Variants in KIAA1755 observed in about 807,000 individuals in gnomAD.
The protein encoded by KIAA1755 is KIAA1755.
Under a neutral mutation model 91.7 loss-of-function variants are expected in KIAA1755, and 68 were observed. That is an observed-to-expected ratio of 0.74 (90% CI 0.61 to 0.91). The LOEUF is 0.91. Ranked by LOEUF, KIAA1755 falls within the 40% of genes least tolerant of loss-of-function variation. The pLI is 0.00. For synonymous variants in KIAA1755, 610 were observed against 604.6 expected, an observed-to-expected ratio of 1.01 and a Z score of -0.13; for missense variants, 1,535 against 1,494.4, an observed-to-expected ratio of 1.03 and a Z score of -0.45.
rs79260595 is a variant in KIAA1755, at chr20:38,246,189, G to A, written c.4-63C>T. ...ATAATAAGGGCAGAGACCACTTCCC[G>A]TGACCTTCCAGGCCCCATATGCCTA... On this transcript the variant is annotated intron_variant, in intron 1 of 13. Coordinates refer to ENST00000279024, the MANE Select transcript of KIAA1755 (RefSeq NM_001029864.2). The A allele has an allele frequency of 1.1e-3, 1,591 of 1,414,690 alleles. 29 individuals carry two copies. The East Asian group carries it at 0.033, about 30-fold the overall frequency. The allele number at this position is 1,414,690 out of a possible 1,614,324, so 87.6% of individuals were successfully genotyped here.
At chr20:38,223,929 G>C (rs769052470) in intron 8 of KIAA1755, among the ~76,000 whole-genome samples, 1 of 152,196 alleles carries the variant, frequency 6.6e-6, no homozygotes, top group Non-Finnish European at 1.5e-5. Context: ...TGTTGAGTAT[G>C]AGTGAGGGAG....
At chr20:38,230,377 G>C (rs1038454885) in intron 5 of KIAA1755, among the ~76,000 whole-genome samples, 1 of 152,076 alleles carries the variant, frequency 6.6e-6, no homozygotes, top group South Asian at 2.1e-4. Flanking sequence ...AGCCTTCCCT[G>C]ATTTCCCAAT....
intron 1 of KIAA1755, chr20:38,260,270 C>G (rs1262946925): frequency 6.5e-7 from 1 of 1,547,466 alleles, no homozygotes; most frequent in African/African-American, 1.4e-5. Context: ...CAATCTTACT[C>G]CATCCATACA....
intron 9 of KIAA1755, 76 bp downstream of exon 9, chr20:38,223,462 T>C: frequency 1.0e-6 from 1 of 973,312 alleles, no homozygotes; most frequent in Non-Finnish European, 1.5e-6. Flanking sequence ...CCCCAGGCCG[T>C]CCCCTTCTCG....
At chr20:38,222,882 A>G (rs892132372) in intron 9 of KIAA1755, 1 of 518,928 alleles carries the variant, frequency 1.9e-6, no homozygotes, top group African/African-American at 1.9e-5. Context: ...TGTTCTCCAC[A>G]TGGCAGTTGA....
intron 11 of KIAA1755, 22 bp downstream of exon 11, chr20:38,219,608 C>G (rs770159792): frequency 6.2e-6 from 10 of 1,613,342 alleles, no homozygotes; most frequent in Non-Finnish European, 8.5e-6. Context: ...CCCCCACACC[C>G]CAAGCCAGAC....
chr20:38,221,468 T>C (rs2075657852), intron 10 of KIAA1755, among the ~76,000 whole-genome samples: 1 of 152,154 alleles, frequency 6.6e-6, no homozygotes, highest in Non-Finnish European at 1.5e-5. Context: ...CTCTCAAGTC[T>C]AGTGCAGCTC....
At chr20:38,239,768 A>C in intron 3 of KIAA1755, 43 bp from the exon 4 acceptor site, 2 of 1,553,108 alleles carry the variant, frequency 1.3e-6, no homozygotes, top group Non-Finnish European at 1.8e-6. Context: ...TAAGCAGAAG[A>C]TGGGCTTTCT....
At chr20:38,231,752 C>G (rs1226156843) in intron 4 of KIAA1755, among the ~76,000 whole-genome samples, 1 of 152,208 alleles carries the variant, frequency 6.6e-6, no homozygotes, top group Admixed American at 6.5e-5. Context: ...TGAAATCAGA[C>G]AGCTCCTGAG....
chr20:38,219,108 G>A (rs973041606), intron 11 of KIAA1755, among the ~76,000 whole-genome samples: 6 of 152,178 alleles, frequency 3.9e-5, no homozygotes, highest in Non-Finnish European at 8.8e-5. Context: ...CCACGAGTAA[G>A]TGCTGGAGCC....
At chr20:38,240,487 C>G in intron 3 of KIAA1755, 95 bp downstream of exon 3, 6 of 1,280,934 alleles carry the variant, frequency 4.7e-6, no homozygotes, top group Non-Finnish European at 6.2e-6. Context: ...TGAGCCAGCC[C>G]AGGTGGTCTC....
At chr20:38,247,397 T>C (rs530788314) in intron 1 of KIAA1755, among the ~76,000 whole-genome samples, 11 of 152,096 alleles carry the variant, frequency 7.2e-5, no homozygotes, top group Non-Finnish European at 1.5e-4. Flanking sequence ...AGTGGCTTCC[T>C]GCTGGAATGC....
At position 38,241,118 on chromosome 20, in the gene KIAA1755, G is replaced by A; in HGVS notation, c.1013C>T (p.Thr338Ile). The A allele has an allele frequency of 1.2e-6, 2 of 1,614,076 alleles. No individual in the cohort carries two copies. Among genetic ancestry groups the A allele is most frequent in the Non-Finnish European group, 8.5e-7 (1 of 1,179,990 alleles). ...CCTCTCCTCAGAGCTTTCTGGCTTT[G>A]TGCAAGCCCGATTTCCCAAGGAAGG... is the stretch of plus-strand genomic sequence containing the variant. The part of the protein sequence containing the change: ...EGPSLGNRAC[T>I]KPESSEERPY... The change falls in exon 3 of 14, where the codon ACA (threonine) becomes ATA (isoleucine). Residue 338 changes from threonine to isoleucine, a missense_variant. Coordinates refer to ENST00000279024, the MANE Select transcript of KIAA1755 (RefSeq NM_001029864.2).
rs193235470 is a variant in KIAA1755 at position 38,235,826 on chromosome 20, G to A, written c.1747+3702C>T. Reference sequence around the variant, plus strand: ...CCTATTAAACAAAACCCCATCCCCAGCATGGGAGCAGACATTCACACCTGC... The same window carrying A: ...CCTATTAAACAAAACCCCATCCCCAACATGGGAGCAGACATTCACACCTGC... On this transcript the variant is annotated intron_variant, in intron 4 of 13. Transcript: ENST00000279024. Among the ~76,000 whole-genome samples, 3 of 152,350 alleles carry A rather than the reference G, an allele frequency of 2.0e-5. No homozygotes were observed. The East Asian group carries it at 5.8e-4, about 29-fold the overall frequency.
Position 38,222,567 on chromosome 20 carries a change from C to T in KIAA1755, c.2299G>A (p.Glu767Lys), listed in dbSNP as rs1245890296. ...EATRCLSKSK[E>K]LMEAVLRDPG... ...TCCCTCAGCACAGCCTCCATCAGCT[C>T]CTTGGACTTGCTCAGGCACCTGGTA... The change falls in exon 10 of 14, where the codon GAG (glutamate) becomes AAG (lysine). Residue 767 changes from glutamate (E) to lysine (K), a missense_variant. Physicochemically the swap from Glu to Lys is moderately conservative, Grantham distance 56 (BLOSUM62 1). Transcript: ENST00000279024. The T allele has an allele frequency of 6.2e-7, 1 of 1,613,224 alleles. No individual in the cohort carries two copies. The highest frequency in any genetic ancestry group is 1.1e-5 in the South Asian group (1 of 91,088).
In KIAA1755 at chr20:38,240,993, C is replaced by T. The variant is rs774534343; in HGVS notation, c.1138G>A (p.Ala380Thr). Residue 380 changes from alanine (A) to threonine (T), a missense_variant, in exon 3 of 14, where the codon GCA becomes ACA. Coordinates refer to ENST00000279024, the MANE Select transcript of KIAA1755 (RefSeq NM_001029864.2). ...CTGAGACCAGAGGCACAGTCCAGTG[C>T]GTCCTCAAGGACATTCATGTAGGAG... ...QGSYMNVLED[A>T]LDCASGLRAG... 110 of 1,614,056 alleles carry T rather than the reference C, an allele frequency of 6.8e-5. No homozygotes were observed. Among genetic ancestry groups the T allele is most frequent in the Non-Finnish European group, 8.6e-5 (102 of 1,180,044 alleles).
intron 2 of KIAA1755, among the ~76,000 whole-genome samples, chr20:38,244,011 G>A (rs2076112014): frequency 6.6e-6 from 1 of 152,108 alleles, no homozygotes; most frequent in African/African-American, 2.4e-5. Flanking sequence ...TGAACCTGGG[G>A]CATCTGAACC....
At chr20:38,231,437 C>A in intron 4 of KIAA1755, 112 bp from the exon 5 acceptor site, 1 of 1,182,746 alleles carries the variant, frequency 8.5e-7, no homozygotes, top group Non-Finnish European at 1.1e-6. Flanking sequence ...CTGGAACACC[C>A]TTTCTCTCCT....
At chr20:38,218,471 C>T in intron 11 of KIAA1755, 105 bp from the exon 12 acceptor site, 2 of 1,469,534 alleles carry the variant, frequency 1.4e-6, no homozygotes, top group Non-Finnish European at 9.2e-7. Flanking sequence ...TTCACTCATT[C>T]AGTGGCTAGG....
Sources: gnomAD v4.1 joint callset for allele counts (sites outside exome capture counted in the v4.1 genomes callset) on GRCh38, gnomAD v4.1.1 for gene constraint, MANE v1.5 for transcripts, NCBI Gene and HGNC (gene_info 2026-07-23, HGNC 2026-07-21) for gene names.